Variants in PCDH7 observed in about 807,000 individuals in gnomAD.
PCDH7 encodes protocadherin-7.
PCDH7 carries 17 observed loss-of-function variants against 58.9 expected under a neutral mutation model. The observed-to-expected ratio is 0.29, with a 90% CI of 0.20 to 0.43. PCDH7 has a LOEUF of 0.43. Ranked by LOEUF, PCDH7 falls within the 20% of genes least tolerant of loss-of-function variation. The pLI is 1.00. For missense variants in PCDH7, 1,274 were observed against 1,441.0 expected (o/e 0.88, Z 1.88); for synonymous variants, 664 against 616.4 (o/e 1.08, Z -1.14).
intron 1 of PCDH7, among the ~76,000 whole-genome samples, chr4:30,789,948 G>C (rs886626332): frequency 1.3e-5 from 2 of 152,102 alleles, no homozygotes; most frequent in Non-Finnish European, 2.9e-5. Context: ...AAGGAAAATG[G>C]CTATCTACAG....
chr4:31,053,835 A>G (rs149558108), intron 3 of PCDH7, among the ~76,000 whole-genome samples: 2 of 152,148 alleles, frequency 1.3e-5, no homozygotes, highest in African/African-American at 4.8e-5. Context: ...CATTTAACAA[A>G]GTATATAAAA....
intron 1 of PCDH7, among the ~76,000 whole-genome samples, chr4:30,909,207 A>G (rs1219880033): frequency 6.6e-6 from 1 of 152,208 alleles, no homozygotes; most frequent in East Asian, 1.9e-4. Flanking sequence ...ATGTATGACA[A>G]ACCTACAGTC....
intron 3 of PCDH7, among the ~76,000 whole-genome samples, chr4:31,122,320 C>G (rs1717787167): frequency 6.6e-6 from 1 of 152,094 alleles, no homozygotes; most frequent in South Asian, 2.1e-4. Flanking sequence ...ACTACTTAAT[C>G]CAGCCTAAAG....
chr4:30,747,533 A>T (rs915048804), intron 1 of PCDH7, among the ~76,000 whole-genome samples: 1 of 151,866 alleles, frequency 6.6e-6, no homozygotes, highest in African/African-American at 2.4e-5. Context: ...GCATTCTTTG[A>T]CTCTTGATCC....
At chr4:31,056,504 A>AGAAAGAAG (rs1757232231) in intron 3 of PCDH7, among the ~76,000 whole-genome samples, 4 of 117,850 alleles carry the variant, frequency 3.4e-5, no homozygotes, top group Admixed American at 8.3e-5. Context: ...AAAGAAAGAA[A>AGAAAGAAG]GAAAGAAAGA....
intron 3 of PCDH7, among the ~76,000 whole-genome samples, chr4:31,040,842 T>C (rs1755806153): frequency 6.6e-6 from 1 of 152,000 alleles, no homozygotes; most frequent in African/African-American, 2.4e-5. Flanking sequence ...TAAGAAAAGC[T>C]AAATCATCTG....
intron 1 of PCDH7, among the ~76,000 whole-genome samples, chr4:30,834,928 TATAC>T (rs1730283337): frequency 6.9e-6 from 1 of 144,470 alleles, no homozygotes; most frequent in African/African-American, 2.9e-5. Flanking sequence ...TGTGTATATA[TATAC>T]ACACACACAC....
intron 3 of PCDH7, among the ~76,000 whole-genome samples, chr4:31,111,900 G>A (rs1411335730): frequency 1.3e-5 from 2 of 152,108 alleles, no homozygotes; most frequent in Non-Finnish European, 2.9e-5. Context: ...ATCCAGCCTG[G>A]AGCATTTAAA....
chr4:30,965,028 G>T (rs887742573), intron 3 of PCDH7, among the ~76,000 whole-genome samples: 1 of 152,122 alleles, frequency 6.6e-6, no homozygotes, highest in African/African-American at 2.4e-5. Flanking sequence ...GCATGCTCTA[G>T]AATCCATAAG....
intron 1 of PCDH7, among the ~76,000 whole-genome samples, chr4:30,842,772 G>T (rs1322609356): frequency 3.3e-5 from 5 of 152,052 alleles, no homozygotes; most frequent in Admixed American, 2.0e-4. Flanking sequence ...TAAGATTTAC[G>T]GTTTAACAGA....
chr4:30,804,268 C>T (rs973187098), intron 1 of PCDH7, among the ~76,000 whole-genome samples: 2 of 152,112 alleles, frequency 1.3e-5, no homozygotes, highest in East Asian at 1.9e-4. Flanking sequence ...AGGCCAGGCA[C>T]GGTGGCTCAT....
At chr4:31,114,389 A>G (rs1459931429) in intron 3 of PCDH7, among the ~76,000 whole-genome samples, 1 of 152,116 alleles carries the variant, frequency 6.6e-6, no homozygotes, top group Non-Finnish European at 1.5e-5. Context: ...AACCTAGTAT[A>G]TTACCTTGAA....
chr4:30,996,385 A>G (rs977401646), intron 3 of PCDH7, among the ~76,000 whole-genome samples: 1 of 152,202 alleles, frequency 6.6e-6, no homozygotes, highest in African/African-American at 2.4e-5. Context: ...TACCATAAAG[A>G]AAGGATAGTG....
At chr4:30,853,024 A>G (rs1440116230) in intron 1 of PCDH7, among the ~76,000 whole-genome samples, 1 of 151,982 alleles carries the variant, frequency 6.6e-6, no homozygotes, top group Admixed American at 6.6e-5. Flanking sequence ...GCTTTACGGT[A>G]GATCCATGTT....
At chr4:30,911,158 G>T (rs1741695501) in intron 1 of PCDH7, among the ~76,000 whole-genome samples, 1 of 152,046 alleles carries the variant, frequency 6.6e-6, no homozygotes, top group Non-Finnish European at 1.5e-5. Context: ...GGGCCTGTTG[G>T]AGGTTGTGGG....
chr4:31,081,914 A>C lies in PCDH7; in HGVS notation c.*8-60559A>C, dbSNP rs117257166. Among the ~76,000 whole-genome samples, 1,345 of 152,150 alleles carry C rather than the reference A, an allele frequency of 8.8e-3. 36 individuals carry two copies. Among genetic ancestry groups the C allele is most frequent in the Admixed American group, 0.054 (818 of 15,280 alleles). The stretch of plus-strand genomic sequence containing the variant: ...CAGCCTACTGAATAGCTGGGATTAC[A>C]GGCCCACGCCACCAAGGCCAGCTAA... On this transcript the variant is annotated intron_variant, in intron 3 of 3. Coordinates refer to the PCDH7 transcript ENST00000509759.
At chr4:31,069,765 G>T (rs976232063) in intron 3 of PCDH7, among the ~76,000 whole-genome samples, 1 of 151,756 alleles carries the variant, frequency 6.6e-6, no homozygotes, top group Non-Finnish European at 1.5e-5. Flanking sequence ...TTTTGTCATG[G>T]TTGTACTTAT....
At chr4:30,901,103 G>A (rs796380710) in intron 1 of PCDH7, among the ~76,000 whole-genome samples, 52 of 152,058 alleles carry the variant, frequency 3.4e-4, no homozygotes, top group African/African-American at 1.1e-3. Context: ...TAGAATGTAC[G>A]ATAGCTTTAA....
chr4:30,958,170 G>T (rs6826336), intron 3 of PCDH7, among the ~76,000 whole-genome samples: 22,711 of 151,900 alleles, frequency 0.15, 1,830 homozygotes, highest in East Asian at 0.17. Flanking sequence ...TTAACTTTTA[G>T]TTAATTAGTA....
Sources: gnomAD v4.1 joint callset for allele counts (sites outside exome capture counted in the v4.1 genomes callset) on GRCh38, gnomAD v4.1.1 for gene constraint, MANE v1.5 for transcripts, NCBI Gene and HGNC (gene_info 2026-07-23, HGNC 2026-07-21) for gene names.